IQCH: variants seen among roughly 807,000 people sequenced by gnomAD.
The protein encoded by IQCH is IQ motif containing H.
IQCH carries 98 observed loss-of-function variants against 117.0 expected under a neutral mutation model. That is an observed-to-expected ratio of 0.84 (90% CI 0.71 to 0.99). IQCH has a LOEUF of 0.99. IQCH is among the 50% of genes least tolerant of loss of function. IQCH has a pLI of 0.00. For missense variants in IQCH, 1,102 were observed against 1,243.8 expected (o/e 0.89, Z 1.72); for synonymous variants, 412 against 448.2 (o/e 0.92, Z 1.02).
chr15:67,449,301 T>G (rs895864053), intron 16 of IQCH, among the ~76,000 whole-genome samples: 2 of 152,362 alleles, frequency 1.3e-5, no homozygotes, highest in Middle Eastern at 3.4e-3. Context: ...TCCTTGCTCA[T>G]GCCTATGTCC....
At chr15:67,291,788 C>G (rs1966759930) in intron 4 of IQCH, among the ~76,000 whole-genome samples, 1 of 152,100 alleles carries the variant, frequency 6.6e-6, no homozygotes, top group Non-Finnish European at 1.5e-5. Flanking sequence ...GAAGAGAATG[C>G]CTACAAGGAT....
intron 7 of IQCH, 37 bp downstream of exon 7, chr15:67,357,458 T>C (rs1969939199): frequency 7.9e-7 from 1 of 1,260,486 alleles, no homozygotes; most frequent in East Asian, 2.3e-5. Flanking sequence ...AAAATTATTC[T>C]TATTTACAGC....
rs1340664011 is a variant in IQCH at position 67,458,849 on chromosome 15, G to A, written c.2506-6278G>A. Reference sequence around the variant, plus strand: ...GGCCAACCAGCTACTGAGCATGATGGGCCGTGTATCACAGTTCACCCTGAA... The same window carrying A: ...GGCCAACCAGCTACTGAGCATGATGAGCCGTGTATCACAGTTCACCCTGAA... On this transcript the variant is annotated intron_variant, in intron 16 of 20. Coordinates refer to ENST00000335894, the MANE Select transcript of IQCH (RefSeq NM_001031715.3). This position sits in a 1 kb window ranked among gnomAD's most constrained non-coding sequence, Gnocchi z 4.1. Among the ~76,000 whole-genome samples the A allele has an allele frequency of 6.6e-6, 1 of 152,222 alleles. No individual in the cohort carries two copies. Among genetic ancestry groups the A allele is most frequent in the Non-Finnish European group, 1.5e-5 (1 of 68,046 alleles).
intron 3 of IQCH, among the ~76,000 whole-genome samples, chr15:67,264,737 A>T (rs553347168): frequency 2.0e-5 from 3 of 152,166 alleles, no homozygotes; most frequent in African/African-American, 4.8e-5. Flanking sequence ...ATACAAGGGC[A>T]TGAATACCAG....
At chr15:67,354,015 G>T (rs187660055) in intron 6 of IQCH, among the ~76,000 whole-genome samples, 3 of 152,202 alleles carry the variant, frequency 2.0e-5, no homozygotes, top group Admixed American at 2.0e-4. Flanking sequence ...AGGGGAGAAG[G>T]CCTCAGGCCT....
At position 67,354,898 on chromosome 15, in the gene IQCH, A is replaced by G. The variant is rs566921585; in HGVS notation, c.638-2447A>G. Among the ~76,000 whole-genome samples, 113 of 152,252 alleles carry G rather than the reference A, an allele frequency of 7.4e-4. 1 individual carries two copies. The South Asian group carries it at 0.012, about 16-fold the overall frequency. ...TGGCTTCTGCAGCCCTGGGCCTTACATACACATTCCAGGCCAGATGAAGGG... is the reference window on the plus strand; with the variant it reads ...TGGCTTCTGCAGCCCTGGGCCTTACGTACACATTCCAGGCCAGATGAAGGG... On this transcript the variant is annotated intron_variant, in intron 6 of 20. Transcript: ENST00000335894.
At chr15:67,306,971 A>G (rs1308915045) in intron 4 of IQCH, 33 of 1,393,166 alleles carry the variant, frequency 2.4e-5, no homozygotes, top group Non-Finnish European at 2.8e-5. Context: ...CCTTTTAAAT[A>G]AAAAGTGTTT....
intron 16 of IQCH, among the ~76,000 whole-genome samples, chr15:67,455,204 A>T (rs1369063239): frequency 6.6e-6 from 1 of 152,206 alleles, no homozygotes; most frequent in Non-Finnish European, 1.5e-5. Flanking sequence ...TACTAATATC[A>T]GGAGTGCTGT....
intron 8 of IQCH, among the ~76,000 whole-genome samples, chr15:67,361,061 A>AC (rs1274403846): frequency 1.3e-5 from 2 of 152,228 alleles, no homozygotes; most frequent in Non-Finnish European, 1.5e-5. Flanking sequence ...TACCCACTGA[A>AC]CCGTCATAGC....
chr15:67,281,738 C>A (rs1479670397), intron 4 of IQCH: 1 of 454,650 alleles, frequency 2.2e-6, no homozygotes, highest in South Asian at 1.6e-5. Flanking sequence ...TTTGCTGGCC[C>A]TGTGGCAACT....
intron 17 of IQCH, among the ~76,000 whole-genome samples, chr15:67,468,402 G>T (rs1052729368): frequency 6.6e-6 from 1 of 152,166 alleles, no homozygotes. Flanking sequence ...GTTTGATTTT[G>T]ATAGAATGCA....
At chr15:67,267,849 A>G (rs148575075) in intron 3 of IQCH, among the ~76,000 whole-genome samples, 8 of 152,364 alleles carry the variant, frequency 5.3e-5, no homozygotes, top group Non-Finnish European at 7.3e-5. Context: ...CACCTTTAAA[A>G]AAGATTTTAG....
rs1205322590 is a variant in IQCH at position 67,467,718 on chromosome 15, A to T, written c.2676+2421A>T. Reference sequence around the variant, plus strand: ...TCACAAGCAAATCGAAGCTTCCTGAACAAGTGTGAACAGACTATGATGCCG... The same window carrying T: ...TCACAAGCAAATCGAAGCTTCCTGATCAAGTGTGAACAGACTATGATGCCG... On this transcript the variant is annotated intron_variant, in intron 17 of 20. Transcript: ENST00000335894. This position sits in a 1 kb window ranked among gnomAD's most constrained non-coding sequence, Gnocchi z 5.7. 1.3e-5 allele frequency among the ~76,000 whole-genome samples: 2 copies of T among 152,228 alleles called. No homozygotes were observed. Among genetic ancestry groups the T allele is most frequent in the African/African-American group, 2.4e-5 (1 of 41,468 alleles).
At position 67,415,237 on chromosome 15, in the gene IQCH, C is replaced by T. The variant is rs946968100; in HGVS notation, c.2098-1694C>T. On this transcript the variant is annotated intron_variant, in intron 14 of 20. Coordinates refer to ENST00000335894, the MANE Select transcript of IQCH (RefSeq NM_001031715.3). ...TAAAGATCAGAGAAAATGTGCACAG[C>T]GTATAGGATATGAAGGGAGGGAAAA... Among the ~76,000 whole-genome samples, 8 of 151,930 alleles carry T rather than the reference C, an allele frequency of 5.3e-5. 1 individual carries two copies. Among genetic ancestry groups the T allele is most frequent in the Admixed American group, 4.6e-4 (7 of 15,250 alleles).
At chr15:67,346,299 A>G (rs1329394791) in intron 6 of IQCH, among the ~76,000 whole-genome samples, 1 of 151,978 alleles carries the variant, frequency 6.6e-6, no homozygotes, top group Non-Finnish European at 1.5e-5. Flanking sequence ...ACAATAATCA[A>G]TAGAACTAGT....
chr15:67,297,256 A>T (rs1429343251), intron 4 of IQCH, among the ~76,000 whole-genome samples: 2 of 152,178 alleles, frequency 1.3e-5, no homozygotes, highest in African/African-American at 4.8e-5. Context: ...ATTTTAGTTG[A>T]CATTTTATTA....
intron 20 of IQCH, among the ~76,000 whole-genome samples, chr15:67,498,725 AAT>A (rs2083895769): frequency 6.6e-6 from 1 of 152,228 alleles, no homozygotes; most frequent in Non-Finnish European, 1.5e-5. Flanking sequence ...TTGGGTTAGC[AAT>A]AGTTTCTTAG....
At chr15:67,269,177 GATAAACCA>G (rs1264863889) in intron 3 of IQCH, among the ~76,000 whole-genome samples, 8 of 152,198 alleles carry the variant, frequency 5.3e-5, no homozygotes, top group Non-Finnish European at 1.2e-4. Flanking sequence ...TCATCTTACA[GATAAACCA>G]GAGAAATGCA....
Position 67,401,135 on chromosome 15 carries a change from A to G in IQCH, c.2097+830A>G, listed in dbSNP as rs780817932. On this transcript the variant is annotated intron_variant, in intron 14 of 20. Coordinates refer to ENST00000335894, the MANE Select transcript of IQCH (RefSeq NM_001031715.3). This position sits in a 1 kb window ranked among gnomAD's most constrained non-coding sequence, Gnocchi z 4.7. ...GCTGAGAAAATAGTACATTCCAGCC[A>G]GAAAATCTCCCAGCAAAAGCTGAGC... Among the ~76,000 whole-genome samples, 1 of 152,228 alleles carries G rather than the reference A, an allele frequency of 6.6e-6. No individual in the cohort carries two copies. The highest frequency in any genetic ancestry group is 1.5e-5 in the Non-Finnish European group (1 of 68,048).
Sources: gnomAD v4.1 joint callset for allele counts (sites outside exome capture counted in the v4.1 genomes callset) on GRCh38, gnomAD v4.1.1 for gene constraint, Gnocchi (gnomAD v3.1) non-coding constraint, MANE v1.5 for transcripts, NCBI Gene and HGNC (gene_info 2026-07-23, HGNC 2026-07-21) for gene names.